Variants in ENTPD5 observed in about 807,000 individuals in gnomAD.
ENTPD5 encodes nucleoside diphosphate phosphatase ENTPD5.
In ENTPD5, 49 loss-of-function variants were observed where a neutral mutation model predicts 60.2. The ratio of observed to expected loss-of-function variants is 0.81; its 90% confidence interval spans 0.65 to 1.03. The LOEUF is 1.03. Ranked by LOEUF, ENTPD5 falls within the 50% of genes least tolerant of loss-of-function variation. The pLI, the probability that ENTPD5 is intolerant of heterozygous loss-of-function variation, is 0.00. For synonymous variants in ENTPD5, 187 were observed against 185.4 expected (o/e 1.01, Z -0.07); for missense variants, 480 against 507.6 (o/e 0.95, Z 0.52).
intron 3 of ENTPD5, among the ~76,000 whole-genome samples, chr14:73,988,884 C>T (rs1366785788): frequency 2.0e-5 from 3 of 152,108 alleles, no homozygotes; most frequent in African/African-American, 4.8e-5. Context: ...AATGCAGTGG[C>T]GCAATCTCAG....
chr14:74,017,909 C>A (rs1428401897), intron 1 of ENTPD5, among the ~76,000 whole-genome samples: 1 of 147,622 alleles, frequency 6.8e-6, no homozygotes, highest in Non-Finnish European at 1.5e-5. Context: ...ACAGCCGGGG[C>A]GGTGGCCCAC....
At chr14:73,992,255 C>T (rs1002093566) in intron 3 of ENTPD5, among the ~76,000 whole-genome samples, 1 of 152,112 alleles carries the variant, frequency 6.6e-6, no homozygotes, top group East Asian at 1.9e-4. Flanking sequence ...GTTCCCATTT[C>T]CCAGGCCCTT....
intron 3 of ENTPD5, among the ~76,000 whole-genome samples, chr14:74,004,968 G>GT (rs1320714512): frequency 4.0e-5 from 6 of 151,504 alleles, no homozygotes; most frequent in African/African-American, 1.5e-4. Context: ...ATTTTGTGGG[G>GT]TTTTTTTTCC....
intron 6 of ENTPD5, among the ~76,000 whole-genome samples, chr14:73,979,943 A>ATTTTT (rs554438546): frequency 4.7e-5 from 6 of 127,564 alleles, no homozygotes; most frequent in South Asian, 2.6e-4. Context: ...TTTTGCCATG[A>ATTTTT]TTTTTTTTTT....
chr14:73,958,640 T>C (rs984390276), downstream of ENTPD5: 42 of 1,296,544 alleles, frequency 3.2e-5, no homozygotes, highest in Non-Finnish European at 3.9e-5. Context: ...TGGTAGCCAT[T>C]CCTAACCCTA....
rs150654173 is a variant in ENTPD5 at position 73,976,022 on chromosome 14, A to G, written c.643-7T>C. The G allele has an allele frequency of 4.4e-4, 702 of 1,611,030 alleles. 8 individuals carry two copies. The East Asian group carries it at 0.014, about 32-fold the overall frequency. On this transcript the variant is annotated splice_region_variant and splice_polypyrimidine_tract_variant and intron_variant, in intron 9 of 15. Coordinates refer to ENST00000334696, the MANE Select transcript of ENTPD5 (RefSeq NM_001249.5). ...GAGTTTGTTCCAGAGTTTTCTGCAA[A>G]TCAGAAAAAGCAAAAAGACTATTCA...
downstream of ENTPD5, chr14:73,955,867 C>T (rs1404492143): frequency 3.7e-6 from 6 of 1,614,048 alleles, no homozygotes; most frequent in Non-Finnish European, 2.5e-6. Flanking sequence ...ATGACATGGG[C>T]TATATCGTGG....
chr14:73,979,755 G>A (rs2057599092), intron 6 of ENTPD5, among the ~76,000 whole-genome samples: 1 of 152,092 alleles, frequency 6.6e-6, no homozygotes. Context: ...ACAGGCGTAA[G>A]CCACTGCACC....
chr14:73,999,974 G>A (rs1475634370), intron 3 of ENTPD5, among the ~76,000 whole-genome samples: 2 of 151,226 alleles, frequency 1.3e-5, no homozygotes, highest in Non-Finnish European at 2.9e-5. Context: ...TGTAATCCCA[G>A]CTATTCAGGG....
At chr14:74,002,742 T>C (rs2058550058) in intron 3 of ENTPD5, among the ~76,000 whole-genome samples, 1 of 152,316 alleles carries the variant, frequency 6.6e-6, no homozygotes, top group Non-Finnish European at 1.5e-5. Flanking sequence ...CCCTGGAGTT[T>C]GTCTCCTTTT....
downstream of ENTPD5, chr14:73,961,374 G>T (rs771349134): frequency 1.9e-6 from 3 of 1,614,200 alleles, no homozygotes; most frequent in Non-Finnish European, 1.7e-6. Context: ...GGCGCTCATT[G>T]GGTAAGACGA....
chr14:73,976,528 C>T lies in ENTPD5; in HGVS notation c.554-116G>A, dbSNP rs930549461. ...CCATACATACTCCACTGCTCCCCAG[C>T]CCCAAGGCTGCAGGTGAATGTCAAC... On this transcript the variant is annotated intron_variant, in intron 8 of 15. Transcript: ENST00000334696. 5.1e-5 allele frequency: 38 copies of T among 747,414 alleles called. No individual in the cohort carries two copies. The Middle Eastern group carries it at 7.3e-4, about 14-fold the overall frequency. The allele number at this position is 747,414 out of a possible 1,614,324, so 46.3% of individuals were successfully genotyped here. A position where few individuals can be genotyped will look rare whatever the true frequency, so the allele number is the denominator to read the frequency against.
At chr14:73,957,122 G>T (rs553918831), downstream of ENTPD5, among the ~76,000 whole-genome samples, 147 of 150,940 alleles carry the variant, frequency 9.7e-4, 1 homozygote, top group Non-Finnish European at 1.5e-3. Context: ...TTTGGAGATG[G>T]AGTCTCGCTC....
In ENTPD5 at chr14:73,987,972, C is replaced by A; in HGVS notation, c.131G>T (p.Ser44Ile). 1.9e-6 allele frequency: 3 copies of A among 1,614,154 alleles called. No individual in the cohort carries two copies. Among genetic ancestry groups the A allele is most frequent in the Non-Finnish European group, 2.5e-6 (3 of 1,180,018 alleles). ...FLSSMCPINVSASTLYGIMFD... is the reference protein window; with the variant it reads ...FLSSMCPINVIASTLYGIMFD... Reference sequence around the variant, plus strand: ...CATAATTCCATACAAGGTGCTGGCGCTGACATTGATGGGGCACATGGAAGA... The same window carrying A: ...CATAATTCCATACAAGGTGCTGGCGATGACATTGATGGGGCACATGGAAGA... Residue 44 changes from serine to isoleucine, a missense_variant, in exon 4 of 16, where the codon AGC becomes ATC. Ser to Ile is a moderately radical substitution (Grantham distance 142). Coordinates refer to ENST00000334696, the MANE Select transcript of ENTPD5 (RefSeq NM_001249.5).
At chr14:73,962,404 A>G (rs182583800), downstream of ENTPD5, among the ~76,000 whole-genome samples, 1 of 152,282 alleles carries the variant, frequency 6.6e-6, no homozygotes, top group East Asian at 1.9e-4. Flanking sequence ...GGGCTTAAAA[A>G]TAGTGAATAG....
chr14:73,966,829 C>G lies in ENTPD5; in HGVS notation c.*99G>C. The G allele has an allele frequency of 7.9e-6, 7 of 888,398 alleles. No homozygotes were observed. The highest frequency in any genetic ancestry group is 7.2e-5 in the South Asian group (5 of 69,882). The allele number at this position is 888,398 out of a possible 1,614,324, so 55.0% of individuals were successfully genotyped here. ...TTAATTAAACCTAAATCTCTAGGCT[C>G]AAGTCCAGGATGTCCCCAGACTAGT... On this transcript the variant is annotated 3_prime_UTR_variant, in exon 16 of 16. Transcript: ENST00000334696.
At chr14:73,972,055 T>C (rs2057250377) in intron 13 of ENTPD5, 147 bp from the exon 14 acceptor site, 9 of 634,878 alleles carry the variant, frequency 1.4e-5, no homozygotes, top group Non-Finnish European at 2.2e-5. Context: ...ATGTTATGTA[T>C]ATTTAACCAC....
At chr14:74,004,760 G>A (rs1337956155) in intron 3 of ENTPD5, among the ~76,000 whole-genome samples, 1 of 152,092 alleles carries the variant, frequency 6.6e-6, no homozygotes, top group Non-Finnish European at 1.5e-5. Flanking sequence ...GAAGAGCAGG[G>A]CAGAAGCAGT....
Position 73,967,783 on chromosome 14 carries a change from G to A in ENTPD5, c.1201-769C>T, listed in dbSNP as rs2057042787. On this transcript the variant is annotated intron_variant, in intron 15 of 15. Transcript: ENST00000334696. ...CCACTGCACTCCAGCATGGGTGACA[G>A]AGCAAGACCCTGTCTCAAAAAAAAA... Among the ~76,000 whole-genome samples, 3 of 122,030 alleles carry A rather than the reference G, an allele frequency of 2.5e-5. No individual in the cohort carries two copies. In the South Asian group the frequency reaches 8.2e-4, roughly 33 times the overall value. 80.1% of individuals were successfully genotyped at this position (122,030 alleles called of 152,430 possible). A position where few individuals can be genotyped will look rare whatever the true frequency, so the allele number is the denominator to read the frequency against.
Sources: gnomAD v4.1 joint callset for allele counts (sites outside exome capture counted in the v4.1 genomes callset) on GRCh38, gnomAD v4.1.1 for gene constraint, MANE v1.5 for transcripts, NCBI Gene and HGNC (gene_info 2026-07-23, HGNC 2026-07-21) for gene names.